DLG2: variants seen among roughly 807,000 people sequenced by gnomAD.
DLG2 encodes the protein disks large homolog 2.
A neutral mutation model predicts 132.5 loss-of-function variants in DLG2; 45 were observed. The observed-to-expected ratio is 0.34, with a 90% CI of 0.27 to 0.44. DLG2 has a LOEUF of 0.44. DLG2 is among the 20% of genes least tolerant of loss of function. The pLI is 1.00. For synonymous variants in DLG2, 424 were observed against 419.6 expected (o/e 1.01, Z -0.13); for missense variants, 1,045 against 1,196.9 (o/e 0.87, Z 1.87).
intron 6 of DLG2, among the ~76,000 whole-genome samples, chr11:84,995,565 C>T (rs889440836): frequency 1.3e-5 from 2 of 152,158 alleles, no homozygotes; most frequent in Non-Finnish European, 1.5e-5. Flanking sequence ...ACAATCACAA[C>T]TAGCAACACT....
intron 6 of DLG2, among the ~76,000 whole-genome samples, chr11:85,025,700 T>G (rs1285415036): frequency 6.6e-6 from 1 of 152,200 alleles, no homozygotes; most frequent in African/African-American, 2.4e-5. Flanking sequence ...GCAGAGATAT[T>G]CTGTAAAAGT....
intron 6 of DLG2, among the ~76,000 whole-genome samples, chr11:84,776,380 C>A (rs2153898204): frequency 6.6e-6 from 1 of 152,202 alleles, no homozygotes; most frequent in Admixed American, 6.5e-5. Context: ...TGGTCTTGAA[C>A]TCCTGGGCTC....
At chr11:85,605,315 C>A (rs1324878629) in intron 2 of DLG2, among the ~76,000 whole-genome samples, 1 of 151,994 alleles carries the variant, frequency 6.6e-6, no homozygotes, top group Non-Finnish European at 1.5e-5. Context: ...CTTAATCCTC[C>A]AGAAATGGAG....
At chr11:83,465,422 T>G (rs1198391026) in intron 26 of DLG2, among the ~76,000 whole-genome samples, 1 of 152,188 alleles carries the variant, frequency 6.6e-6, no homozygotes, top group Non-Finnish European at 1.5e-5. Flanking sequence ...AATTTCTGTT[T>G]CTTCGGTCCT....
intron 6 of DLG2, among the ~76,000 whole-genome samples, chr11:84,650,836 T>A (rs2099680648): frequency 8.2e-6 from 1 of 122,122 alleles, no homozygotes. Context: ...AAAGTTATAA[T>A]AAACTTTCCT....
intron 18 of DLG2, among the ~76,000 whole-genome samples, chr11:83,756,563 C>T (rs2093655873): frequency 6.6e-6 from 1 of 151,418 alleles, no homozygotes; most frequent in Non-Finnish European, 1.5e-5. Flanking sequence ...CTGAACAGAT[C>T]ACCTTACATC....
At chr11:85,481,010 C>T (rs376300610) in intron 3 of DLG2, among the ~76,000 whole-genome samples, 1 of 152,222 alleles carries the variant, frequency 6.6e-6, no homozygotes, top group Admixed American at 6.5e-5. Flanking sequence ...GTGGGTTTAG[C>T]AAGTCACTTA....
intron 18 of DLG2, among the ~76,000 whole-genome samples, chr11:83,685,531 T>C (rs547765705): frequency 3.9e-5 from 6 of 152,130 alleles, no homozygotes; most frequent in Non-Finnish European, 5.9e-5. Context: ...TTCACTAATC[T>C]ATCCTTCTAC....
At chr11:84,514,192 C>T (rs1260669981) in intron 7 of DLG2, among the ~76,000 whole-genome samples, 2 of 151,978 alleles carry the variant, frequency 1.3e-5, no homozygotes, top group Admixed American at 6.6e-5. Context: ...CAGGTAATAA[C>T]GAATGCTGGT....
At chr11:85,007,768 T>C (rs967764372) in intron 6 of DLG2, among the ~76,000 whole-genome samples, 2 of 151,940 alleles carry the variant, frequency 1.3e-5, no homozygotes, top group South Asian at 4.1e-4. Flanking sequence ...CTTGATTTTA[T>C]GTAATACAAT....
intron 10 of DLG2, among the ~76,000 whole-genome samples, chr11:84,072,197 C>G (rs553999179): frequency 6.6e-6 from 1 of 152,192 alleles, no homozygotes; most frequent in African/African-American, 2.4e-5. Context: ...AGCCAAAGTA[C>G]CTTCACATAA....
chr11:84,130,578 GAC>G (rs34372974), intron 9 of DLG2, among the ~76,000 whole-genome samples: 11,994 of 138,394 alleles, frequency 0.087, 690 homozygotes, highest in African/African-American at 0.18. Context: ...CGCACACATA[GAC>G]ACACACACAC....
intron 6 of DLG2, among the ~76,000 whole-genome samples, chr11:85,109,059 G>A (rs2072279331): frequency 1.2e-5 from 1 of 82,028 alleles, no homozygotes; most frequent in Non-Finnish European, 2.3e-5. Flanking sequence ...CAAATTCCCA[G>A]GAAAAAAAAA....
chr11:83,633,291 T>G lies in DLG2; in HGVS notation c.1860A>C (p.Leu620=), dbSNP rs1211836681. 33 of 1,613,548 alleles carry G rather than the reference T, an allele frequency of 2.0e-5. No homozygotes were observed. Among genetic ancestry groups the G allele is most frequent in the Non-Finnish European group, 2.8e-5 (33 of 1,179,720 alleles). ...YARFEAKIHD[L]REQMMNHSMS... is the part of the protein sequence containing the mutation. ...TGCTGTGGTTCATCATCTGCTCTCG[T>G]AGGTCATGGATTTTGGCCTCAAATC... Residue 620 remains leucine (L), a synonymous_variant, in exon 19 of 28, where the codon CTA becomes CTC. Coordinates refer to ENST00000376104, the MANE Select transcript of DLG2 (RefSeq NM_001142699.3).
rs552462232 is a variant in DLG2 at position 84,852,421 on chromosome 11, T to C, written c.357+259240A>G. On this transcript the variant is annotated intron_variant, in intron 6 of 27. Coordinates refer to ENST00000376104, the MANE Select transcript of DLG2 (RefSeq NM_001142699.3). ...AAACTCACATGCTAACACCAGCCTA[T>C]TGATACTTGCCTCTGTAGTGTTGTG... is the stretch of plus-strand genomic sequence containing the variant. Among the ~76,000 whole-genome samples, 79 of 152,152 alleles carry C rather than the reference T, an allele frequency of 5.2e-4. 2 individuals carry two copies. The highest frequency in any genetic ancestry group is 1.8e-3 in the African/African-American group (76 of 41,540).
intron 4 of DLG2, among the ~76,000 whole-genome samples, chr11:85,207,398 C>G (rs1369862589): frequency 1.3e-5 from 2 of 152,162 alleles, no homozygotes; most frequent in African/African-American, 4.8e-5. Flanking sequence ...TTATTTAAAA[C>G]AATTATAAAT....
intron 6 of DLG2, among the ~76,000 whole-genome samples, chr11:84,959,975 C>A (rs1215646176): frequency 6.6e-6 from 1 of 152,116 alleles, no homozygotes; most frequent in East Asian, 1.9e-4. Context: ...GAAATATTTT[C>A]AAGGGGAAAG....
At position 83,904,026 on chromosome 11, in the gene DLG2, T is replaced by C. The variant is rs369626202; in HGVS notation, c.1496+26302A>G. Among the ~76,000 whole-genome samples the C allele has an allele frequency of 2.6e-5, 4 of 152,300 alleles. No individual in the cohort carries two copies. In the East Asian group the frequency reaches 5.8e-4, roughly 22 times the overall value. On this transcript the variant is annotated intron_variant, in intron 15 of 27. Coordinates refer to ENST00000376104, the MANE Select transcript of DLG2 (RefSeq NM_001142699.3). The stretch of plus-strand genomic sequence containing the variant: ...TAACAATGATTACAATATGCCCACA[T>C]CACTACTCTTGTGCTTTGGGGGCAT...
At chr11:84,369,316 C>G (rs1412723048) in intron 7 of DLG2, among the ~76,000 whole-genome samples, 1 of 152,130 alleles carries the variant, frequency 6.6e-6, no homozygotes, top group Non-Finnish European at 1.5e-5. Flanking sequence ...CTGTGCTACT[C>G]TGTCTCTTCA....
Sources: allele counts gnomAD v4.1 joint callset (sites outside exome capture counted in the v4.1 genomes callset), GRCh38; gene constraint gnomAD v4.1.1; transcripts MANE v1.5; gene names NCBI Gene and HGNC (gene_info 2026-07-23, HGNC 2026-07-21).